Variants in SIPA1L3 observed in about 807,000 individuals in gnomAD.
SIPA1L3 encodes the protein signal-induced proliferation-associated 1-like protein 3.
SIPA1L3 carries 59 observed loss-of-function variants against 150.1 expected under a neutral mutation model. The observed-to-expected ratio is 0.39, with a 90% CI of 0.32 to 0.49. SIPA1L3 has a LOEUF of 0.49. Among genes scored for constraint, SIPA1L3 ranks in the 20% least tolerant of loss-of-function variants. The pLI is 0.86. For missense variants in SIPA1L3, 2,211 were observed against 2,489.5 expected (o/e 0.89, Z 2.38); for synonymous variants, 1,070 against 1,077.6 (o/e 0.99, Z 0.14).
intron 3 of SIPA1L3, among the ~76,000 whole-genome samples, chr19:38,084,412 A>G (rs1970077367): frequency 1.3e-5 from 2 of 152,018 alleles, no homozygotes; most frequent in Non-Finnish European, 1.5e-5. Flanking sequence ...TCCGGCATAA[A>G]TGCGTTAAAG....
intron 2 of SIPA1L3, among the ~76,000 whole-genome samples, chr19:38,057,621 A>G (rs1362079716): frequency 6.6e-6 from 1 of 151,278 alleles, no homozygotes; most frequent in Non-Finnish European, 1.5e-5. Flanking sequence ...TTACAGAAGT[A>G]GCATTCCTGG....
At chr19:37,999,459 A>T (rs1254499175) in intron 1 of SIPA1L3, among the ~76,000 whole-genome samples, 3 of 152,184 alleles carry the variant, frequency 2.0e-5, no homozygotes, top group Non-Finnish European at 4.4e-5. Context: ...TAAACAGGCA[A>T]CCGCCCCAGC....
intron 21 of SIPA1L3, among the ~76,000 whole-genome samples, chr19:38,205,617 G>A (rs942498283): frequency 2.0e-5 from 3 of 152,084 alleles, no homozygotes; most frequent in Non-Finnish European, 2.9e-5. Context: ...ATAATGCTGC[G>A]CAACCTGAAA....
At chr19:38,205,394 T>C (rs1000937055) in intron 21 of SIPA1L3, among the ~76,000 whole-genome samples, 1 of 150,204 alleles carries the variant, frequency 6.7e-6, no homozygotes, top group Non-Finnish European at 1.5e-5. Context: ...GAGGCGGAGA[T>C]TGCAGTGAGC....
intron 1 of SIPA1L3, among the ~76,000 whole-genome samples, chr19:37,924,477 TA>T (rs1475311195): frequency 6.7e-6 from 1 of 149,388 alleles, no homozygotes; most frequent in Non-Finnish European, 1.5e-5. Flanking sequence ...AAAAAGTATA[TA>T]TACAGACTGG....
At chr19:37,951,275 C>T (rs990704349) in intron 1 of SIPA1L3, among the ~76,000 whole-genome samples, 1 of 152,190 alleles carries the variant, frequency 6.6e-6, no homozygotes, top group Non-Finnish European at 1.5e-5. Context: ...CAAACAAGAG[C>T]AAATTAACTG....
intron 1 of SIPA1L3, among the ~76,000 whole-genome samples, chr19:37,928,463 C>T (rs866522565): frequency 2.0e-5 from 3 of 152,046 alleles, no homozygotes; most frequent in Non-Finnish European, 4.4e-5. Context: ...CCCAGCTATT[C>T]GAGAGGCTGA....
At chr19:37,928,094 G>A (rs2046522488) in intron 1 of SIPA1L3, among the ~76,000 whole-genome samples, 1 of 152,058 alleles carries the variant, frequency 6.6e-6, no homozygotes, top group South Asian at 2.1e-4. Context: ...GGGATTGCTG[G>A]GTCGAACGGT....
chr19:38,057,952 A>G (rs1455754636), intron 2 of SIPA1L3, among the ~76,000 whole-genome samples: 2 of 152,118 alleles, frequency 1.3e-5, no homozygotes, highest in African/African-American at 2.4e-5. Context: ...CTGAGCCACC[A>G]TGCCCGGCCT....
intron 1 of SIPA1L3, among the ~76,000 whole-genome samples, chr19:37,925,459 G>A (rs1308591443): frequency 2.6e-5 from 4 of 152,256 alleles, no homozygotes; most frequent in Non-Finnish European, 4.4e-5. Context: ...TGGCTGGAGC[G>A]GAATGAGCCC....
chr19:38,000,945 T>C (rs1967784919), intron 1 of SIPA1L3, among the ~76,000 whole-genome samples: 1 of 99,808 alleles, frequency 1.0e-5, no homozygotes, highest in Non-Finnish European at 2.0e-5. Context: ...ATATATAACA[T>C]ATAACACACA....
At position 38,193,719 on chromosome 19, in the gene SIPA1L3, C is replaced by A. The variant is rs1972856551; in HGVS notation, c.4779C>A (p.Pro1593=). ...TLPARRQHQH[P]HPPVGPGATP... is the part of the protein sequence containing the mutation. Reference sequence around the variant, plus strand: ...CTGCACGCCGCCAGCACCAGCACCCCCACCCGCCCGTCGGCCCCGGTGCCA... The same window carrying A: ...CTGCACGCCGCCAGCACCAGCACCCACACCCGCCCGTCGGCCCCGGTGCCA... The change falls in exon 18 of 22, where the codon CCC becomes CCA. Residue 1593 remains proline (P), a synonymous_variant. Coordinates refer to ENST00000222345, the MANE Select transcript of SIPA1L3 (RefSeq NM_015073.3). 1.3e-6 allele frequency: 2 copies of A among 1,567,950 alleles called. No individual in the cohort carries two copies. The highest frequency in any genetic ancestry group is 2.3e-5 in the East Asian group (1 of 42,718).
intron 1 of SIPA1L3, among the ~76,000 whole-genome samples, chr19:37,982,880 T>A (rs1054253813): frequency 1.3e-5 from 2 of 152,180 alleles, no homozygotes; most frequent in African/African-American, 4.8e-5. Flanking sequence ...TTGTCCACCC[T>A]TAGCTCCTCC....
intron 1 of SIPA1L3, among the ~76,000 whole-genome samples, chr19:38,007,224 A>T (rs1418632171): frequency 1.3e-5 from 2 of 152,316 alleles, no homozygotes; most frequent in Admixed American, 1.3e-4. Context: ...AGACCAAGGC[A>T]GACGGATCAT....
At chr19:37,951,172 T>C (rs901390954) in intron 1 of SIPA1L3, among the ~76,000 whole-genome samples, 3 of 152,242 alleles carry the variant, frequency 2.0e-5, no homozygotes, top group Non-Finnish European at 4.4e-5. Flanking sequence ...GTCCGTTAGA[T>C]CACAGTACCG....
At chr19:38,155,892 C>A (rs1971939161) in intron 13 of SIPA1L3, among the ~76,000 whole-genome samples, 2 of 152,066 alleles carry the variant, frequency 1.3e-5, no homozygotes, top group South Asian at 4.2e-4. Context: ...ACCAGCCTGG[C>A]CAACTTGGCG....
chr19:38,123,612 C>T (rs1251633459), intron 9 of SIPA1L3, among the ~76,000 whole-genome samples: 1 of 150,990 alleles, frequency 6.6e-6, no homozygotes, highest in African/African-American at 2.4e-5. Flanking sequence ...ATCCCAAGGC[C>T]GAAGAATTTT....
At chr19:37,922,554 C>A (rs996575475) in intron 1 of SIPA1L3, among the ~76,000 whole-genome samples, 3 of 151,826 alleles carry the variant, frequency 2.0e-5, no homozygotes, top group African/African-American at 4.8e-5. Flanking sequence ...CCACCGCACC[C>A]GGCTAATTTT....
At chr19:38,170,857 G>A (rs535784462) in intron 15 of SIPA1L3, among the ~76,000 whole-genome samples, 16 of 152,062 alleles carry the variant, frequency 1.1e-4, no homozygotes, top group Admixed American at 2.0e-4. Context: ...AGGAGGGAGC[G>A]GGTGAAGGAG....
Sources: gnomAD v4.1 joint callset for allele counts (sites outside exome capture counted in the v4.1 genomes callset) on GRCh38, gnomAD v4.1.1 for gene constraint, MANE v1.5 for transcripts, NCBI Gene and HGNC (gene_info 2026-07-23, HGNC 2026-07-21) for gene names.